Variants in DACH2 observed in about 807,000 individuals in gnomAD.
DACH2 encodes the protein dachshund homolog 2.
A neutral mutation model predicts 35.8 loss-of-function variants in DACH2; 17 were observed. That is an observed-to-expected ratio of 0.48 (90% CI 0.33 to 0.71). DACH2 has a LOEUF of 0.71. Among genes scored for constraint, DACH2 ranks in the 30% least tolerant of loss-of-function variants. The pLI, the probability that DACH2 is intolerant of heterozygous loss-of-function variation, is 0.02. For synonymous variants in DACH2, 195 were observed against 177.3 expected, an observed-to-expected ratio of 1.10 and a Z score of -0.79; for missense variants, 469 against 472.7, an observed-to-expected ratio of 0.99 and a Z score of 0.07.
intron 1 of DACH2, among the ~76,000 whole-genome samples, chrX:86,320,248 G>A (rs1007623696): frequency 8.9e-6 from 1 of 112,232 alleles, no homozygotes; most frequent in Non-Finnish European, 1.9e-5. Context: ...GATCTATGAA[G>A]AGAAAAACAT....
chrX:86,261,778 A>G (rs1463440161), intron 1 of DACH2, among the ~76,000 whole-genome samples: 1 of 111,323 alleles, frequency 9.0e-6, no homozygotes, highest in Non-Finnish European at 1.9e-5. Context: ...GCTCCTTCCC[A>G]TTAATAAAAG....
chrX:86,267,351 G>A (rs1158588833), intron 1 of DACH2, among the ~76,000 whole-genome samples: 2 of 111,777 alleles, frequency 1.8e-5, no homozygotes, highest in South Asian at 7.3e-4. Context: ...GGATGGTCTT[G>A]ATTATTTAAA....
intron 1 of DACH2, among the ~76,000 whole-genome samples, chrX:86,266,642 C>T (rs921106000): frequency 9.0e-6 from 1 of 111,268 alleles, no homozygotes; most frequent in Non-Finnish European, 1.9e-5. Context: ...ACCAGACTGC[C>T]CGGTTTTGAG....
At chrX:86,355,120 A>G (rs987603514) in intron 1 of DACH2, among the ~76,000 whole-genome samples, 1 of 111,322 alleles carries the variant, frequency 9.0e-6, no homozygotes, top group Non-Finnish European at 1.9e-5. Context: ...TGTGTACACA[A>G]TGTTTAGCTC....
Position 86,832,137 on chromosome X carries a change from A to G in DACH2, c.1782A>G (p.Gln594=). The G allele has an allele frequency of 8.3e-7, 1 of 1,198,656 alleles. No individual in the cohort carries two copies. The highest frequency in any genetic ancestry group is 1.7e-5 in the African/African-American group (1 of 57,393). Residue 594 remains glutamine, a synonymous_variant, in exon 12 of 12, where the codon CAA becomes CAG. Transcript: ENST00000373125. The stretch of plus-strand genomic sequence containing the variant: ...ACTATTACTGTTTAGAAATGGCACA[A>G]CAGTTGTATTCAGCCTGAAAGGTCC... ...GGNYYCLEMA[Q]QLYSA is the part of the protein sequence containing the mutation.
At chrX:86,266,583 C>A (rs2033717112) in intron 1 of DACH2, among the ~76,000 whole-genome samples, 1 of 111,476 alleles carries the variant, frequency 9.0e-6, no homozygotes, top group African/African-American at 3.3e-5. Flanking sequence ...AAATTTGTAG[C>A]TTGATTTGGA....
At chrX:86,331,233 G>A (rs754296107) in intron 1 of DACH2, among the ~76,000 whole-genome samples, 7 of 110,952 alleles carry the variant, frequency 6.3e-5, no homozygotes, top group African/African-American at 2.3e-4. Context: ...AGTTACTCCT[G>A]TTGAGATATT....
At chrX:86,693,038 C>G (rs2041027823) in intron 4 of DACH2, among the ~76,000 whole-genome samples, 1 of 112,320 alleles carries the variant, frequency 8.9e-6, no homozygotes, top group African/African-American at 3.2e-5. Context: ...TGTCAATGCA[C>G]CAAACCATAA....
intron 1 of DACH2, among the ~76,000 whole-genome samples, chrX:86,293,754 C>T (rs1339079958): frequency 1.8e-5 from 2 of 111,435 alleles, no homozygotes; most frequent in Non-Finnish European, 3.8e-5. Context: ...TATTGGCCCC[C>T]ACTCTCTTCT....
intron 3 of DACH2, among the ~76,000 whole-genome samples, chrX:86,522,474 A>G (rs2038570182): frequency 9.0e-6 from 1 of 111,671 alleles, no homozygotes. Flanking sequence ...CATATATACT[A>G]TTGAAATAGA....
At chrX:86,577,248 C>T (rs953425903) in intron 3 of DACH2, among the ~76,000 whole-genome samples, 1 of 110,448 alleles carries the variant, frequency 9.1e-6, no homozygotes. Context: ...TGTTTTGGAG[C>T]AAAACAGGAG....
intron 1 of DACH2, among the ~76,000 whole-genome samples, chrX:86,195,840 T>C (rs939417798): frequency 6.3e-5 from 7 of 111,178 alleles, no homozygotes; most frequent in Admixed American, 4.8e-4. Flanking sequence ...GTTGGCTCCC[T>C]AAAATCTTCC....
chrX:86,516,766 T>C (rs2038474294), intron 3 of DACH2, among the ~76,000 whole-genome samples: 1 of 111,255 alleles, frequency 9.0e-6, no homozygotes, highest in Non-Finnish European at 1.9e-5. Flanking sequence ...TTTGTGTTCA[T>C]AAATTCTTAT....
intron 6 of DACH2, among the ~76,000 whole-genome samples, chrX:86,729,205 G>T (rs1830152559): frequency 8.9e-6 from 1 of 112,140 alleles, no homozygotes; most frequent in African/African-American, 3.2e-5. Context: ...GGGCACTTGG[G>T]ACATGGAGTC....
At chrX:86,661,044 T>C (rs1232729354) in intron 4 of DACH2, among the ~76,000 whole-genome samples, 1 of 111,579 alleles carries the variant, frequency 9.0e-6, no homozygotes, top group Non-Finnish European at 1.9e-5. Flanking sequence ...GTATATACAG[T>C]GAACCTAGTT....
chrX:86,723,144 C>T (rs776128348), intron 6 of DACH2, among the ~76,000 whole-genome samples: 89 of 111,493 alleles, frequency 8.0e-4, no homozygotes, highest in African/African-American at 2.8e-3. Context: ...GATGATCTTT[C>T]ATTTTTCTGT....
At chrX:86,705,215 T>C (rs1446312891) in intron 5 of DACH2, among the ~76,000 whole-genome samples, 1 of 109,723 alleles carries the variant, frequency 9.1e-6, no homozygotes, top group Admixed American at 9.8e-5. Context: ...CATAGTGTGT[T>C]CCCACTCATA....
chrX:86,398,718 C>T (rs2036354507), intron 2 of DACH2, among the ~76,000 whole-genome samples: 1 of 112,010 alleles, frequency 8.9e-6, no homozygotes, highest in Admixed American at 9.5e-5. Flanking sequence ...GTTTCTTAAT[C>T]CTGAGTTCTA....
chrX:86,695,065 T>C lies in DACH2; in HGVS notation c.817T>C (p.Phe273Leu). ...GGATAAAGATAAGATGCAGTCTCCA[T>C]TTGCTGCACCTGGACCCCAACATGG... The part of the protein sequence containing the change: ...SWDKDKMQSP[F>L]AAPGPQHGIA... Residue 273 changes from phenylalanine (F) to leucine (L), a missense_variant, in exon 5 of 12, where the codon TTT becomes CTT. Coordinates refer to ENST00000373125, the MANE Select transcript of DACH2 (RefSeq NM_053281.3). 1 of 1,143,956 alleles carries C rather than the reference T, an allele frequency of 8.7e-7. No individual in the cohort carries two copies. Among genetic ancestry groups the C allele is most frequent in the Admixed American group, 2.6e-5 (1 of 38,175 alleles). 94.3% of individuals were successfully genotyped at this position (1,143,956 alleles called of 1,213,427 possible). A position where few individuals can be genotyped will look rare whatever the true frequency, so the allele number is the denominator to read the frequency against.
Sources: allele counts gnomAD v4.1 joint callset (sites outside exome capture counted in the v4.1 genomes callset), GRCh38; gene constraint gnomAD v4.1.1; transcripts MANE v1.5; gene names NCBI Gene and HGNC (gene_info 2026-07-23, HGNC 2026-07-21).